CMIP: variants seen among roughly 807,000 people sequenced by gnomAD.
CMIP encodes c-Maf inducing protein.
CMIP carries 13 observed loss-of-function variants against 97.3 expected under a neutral mutation model. That is an observed-to-expected ratio of 0.13 (90% CI 0.09 to 0.21). The LOEUF is 0.21. CMIP is among the 10% of genes least tolerant of loss of function. The pLI, the probability that CMIP is intolerant of heterozygous loss-of-function variation, is 1.00. For synonymous variants in CMIP, 538 were observed against 436.3 expected (o/e 1.23, Z -2.91); for missense variants, 847 against 1,024.9 (o/e 0.83, Z 2.37).
intron 1 of CMIP, among the ~76,000 whole-genome samples, chr16:81,537,275 C>T (rs553028762): frequency 1.1e-3 from 172 of 152,214 alleles, no homozygotes; most frequent in African/African-American, 3.8e-3. Context: ...TGGCTCACAC[C>T]TGTAATGCCG....
chr16:81,648,612 A>T (rs992246095), intron 3 of CMIP, among the ~76,000 whole-genome samples: 2 of 151,832 alleles, frequency 1.3e-5, no homozygotes, highest in Non-Finnish European at 2.9e-5. Flanking sequence ...GGTGAAGCCC[A>T]TCTCTACTAA....
At chr16:81,689,550 A>G (rs1905817062) in intron 10 of CMIP, among the ~76,000 whole-genome samples, 2 of 152,210 alleles carry the variant, frequency 1.3e-5, no homozygotes, top group Non-Finnish European at 2.9e-5. Context: ...GATTCTGGAT[A>G]TTAGCCCTTT....
chr16:81,452,915 C>A (rs1183937448), intron 1 of CMIP, among the ~76,000 whole-genome samples: 5 of 131,852 alleles, frequency 3.8e-5, no homozygotes, highest in African/African-American at 1.5e-4. Context: ...GCAAACCTGG[C>A]TGCCTCCCAA....
intron 1 of CMIP, among the ~76,000 whole-genome samples, chr16:81,463,477 G>C (rs545797324): frequency 9.7e-4 from 148 of 152,320 alleles, no homozygotes; most frequent in African/African-American, 3.5e-3. Flanking sequence ...TGGCGGGACG[G>C]CGGTTGTGGT....
chr16:81,583,116 T>G (rs8054441), intron 1 of CMIP, among the ~76,000 whole-genome samples: 7,293 of 152,340 alleles, frequency 0.048, 396 homozygotes, highest in African/African-American at 0.13. Context: ...CTGGCTGGCA[T>G]TGCCTCTGAC....
intron 1 of CMIP, among the ~76,000 whole-genome samples, chr16:81,602,473 G>T (rs1005428607): frequency 6.6e-6 from 1 of 152,196 alleles, no homozygotes; most frequent in East Asian, 1.9e-4. Context: ...TAAGAGTCAC[G>T]CTTTTAGCGT....
Position 81,444,870 on chromosome 16 carries a change from C to G in CMIP, c.-372C>G, listed in dbSNP as rs1300124292. Among the ~76,000 whole-genome samples, 1 of 142,798 alleles carries G rather than the reference C, an allele frequency of 7.0e-6. No individual in the cohort carries two copies. The highest frequency in any genetic ancestry group is 2.1e-4 in the East Asian group (1 of 4,812). 93.7% of individuals were successfully genotyped at this position (142,798 alleles called of 152,430 possible). The stretch of plus-strand genomic sequence containing the variant: ...ACACACGCGCGCGGCGGCGCGGGGC[C>G]CCGAGACACGCCCGCCCCCACCCCG... On this transcript the variant is annotated 5_prime_UTR_variant, in exon 1 of 21. Coordinates refer to ENST00000537098, the MANE Select transcript of CMIP (RefSeq NM_198390.3).
intron 7 of CMIP, 153 bp downstream of exon 7, chr16:81,664,502 T>C (rs1447587436): frequency 1.5e-6 from 1 of 647,000 alleles, no homozygotes; most frequent in African/African-American, 1.8e-5. Flanking sequence ...TTAAGGACTT[T>C]TGGGGGTTTT....
At chr16:81,703,129 T>C (rs961012321) in intron 17 of CMIP, among the ~76,000 whole-genome samples, 2 of 152,108 alleles carry the variant, frequency 1.3e-5, no homozygotes, top group Non-Finnish European at 2.9e-5. Flanking sequence ...AAAGGGCTGC[T>C]CAGGCTCCAG....
intron 1 of CMIP, among the ~76,000 whole-genome samples, chr16:81,469,926 C>T (rs1907422612): frequency 6.6e-6 from 1 of 152,162 alleles, no homozygotes; most frequent in Non-Finnish European, 1.5e-5. Flanking sequence ...CTGTCTGCTG[C>T]ACCCTTGACC....
At chr16:81,633,788 A>T (rs1163718677) in intron 3 of CMIP, among the ~76,000 whole-genome samples, 10 of 152,188 alleles carry the variant, frequency 6.6e-5, no homozygotes, top group Admixed American at 6.5e-4. Context: ...CCCTTTGGAA[A>T]ACTGGGCTGA....
chr16:81,521,692 T>A (rs1406089333), intron 1 of CMIP, among the ~76,000 whole-genome samples: 2 of 152,198 alleles, frequency 1.3e-5, no homozygotes, highest in Non-Finnish European at 2.9e-5. Context: ...TAGACAGATG[T>A]GGGATGATGA....
chr16:81,623,933 G>C (rs1267596566), intron 3 of CMIP, among the ~76,000 whole-genome samples: 1 of 152,048 alleles, frequency 6.6e-6, no homozygotes, highest in Non-Finnish European at 1.5e-5. Flanking sequence ...CCAGATCTGT[G>C]GGGCTGTCCT....
intron 1 of CMIP, among the ~76,000 whole-genome samples, chr16:81,481,706 G>C (rs768450121): frequency 6.6e-6 from 1 of 152,130 alleles, no homozygotes; most frequent in Non-Finnish European, 1.5e-5. Context: ...GAAGTCCACA[G>C]TGAGTCTCGT....
intron 1 of CMIP, among the ~76,000 whole-genome samples, chr16:81,560,426 G>A (rs923476483): frequency 6.6e-6 from 1 of 152,064 alleles, no homozygotes; most frequent in African/African-American, 2.4e-5. Flanking sequence ...CACCGTGTTA[G>A]CCAGGATGGT....
intron 1 of CMIP, among the ~76,000 whole-genome samples, chr16:81,551,802 G>C (rs1332955053): frequency 2.0e-5 from 3 of 152,238 alleles, no homozygotes; most frequent in Non-Finnish European, 4.4e-5. Flanking sequence ...GTTGTGGACA[G>C]TTCCCCTGGA....
At chr16:81,695,662 C>G (rs1412010791) in intron 13 of CMIP, 1 of 152,408 alleles carries the variant, frequency 6.6e-6, no homozygotes, top group African/African-American at 2.4e-5. Flanking sequence ...CTCCTTCCCT[C>G]TCTCTCTGTG....
chr16:81,677,842 G>T (rs951085863), intron 9 of CMIP, among the ~76,000 whole-genome samples: 1 of 152,202 alleles, frequency 6.6e-6, no homozygotes, highest in African/African-American at 2.4e-5. Flanking sequence ...TGAGGTCAGG[G>T]ATTGGAGGGC....
chr16:81,491,421 G>T (rs1052222694), intron 1 of CMIP, among the ~76,000 whole-genome samples: 1 of 152,208 alleles, frequency 6.6e-6, no homozygotes, highest in Non-Finnish European at 1.5e-5. Context: ...CAGAGCTTTT[G>T]TGAGGCTCAG....
Sources: allele counts gnomAD v4.1 joint callset (sites outside exome capture counted in the v4.1 genomes callset), GRCh38; gene constraint gnomAD v4.1.1; transcripts MANE v1.5; gene names NCBI Gene and HGNC (gene_info 2026-07-23, HGNC 2026-07-21).